PDE3A: variants seen among roughly 807,000 people sequenced by gnomAD.
The protein encoded by PDE3A is phosphodiesterase 3A.
Under a neutral mutation model 98.3 loss-of-function variants are expected in PDE3A, and 43 were observed. That is an observed-to-expected ratio of 0.44 (90% confidence interval 0.34 to 0.56). PDE3A has a LOEUF of 0.56. Ranked by LOEUF, PDE3A falls within the 20% of genes least tolerant of loss-of-function variation. The probability of loss-of-function intolerance (pLI) is 0.01; values close to 1 mark genes in which losing one functional copy is unlikely to be tolerated. For synonymous variants in PDE3A, 663 were observed against 567.9 expected (o/e 1.17, Z -2.38); for missense variants, 1,427 against 1,440.7 (o/e 0.99, Z 0.15).
rs1022367982 is a variant in PDE3A, at chr12:20,684,547, G to A, written c.*4276G>A. On this transcript the variant is annotated 3_prime_UTR_variant, in exon 16 of 16. Coordinates refer to ENST00000359062, the MANE Select transcript of PDE3A (RefSeq NM_000921.5). ...GAAAGCTAAAATATCTATGTACTTT[G>A]AAGCCAAACTGAGTTTATTTCATTG... is the stretch of plus-strand genomic sequence containing the variant. Among the ~76,000 whole-genome samples the A allele has an allele frequency of 7.2e-5, 11 of 152,128 alleles. No homozygotes were observed. The highest frequency in any genetic ancestry group is 2.7e-4 in the African/African-American group (11 of 41,422).
chr12:20,379,580 G>T (rs549102828), intron 1 of PDE3A, among the ~76,000 whole-genome samples: 8 of 151,870 alleles, frequency 5.3e-5, no homozygotes, highest in African/African-American at 1.7e-4. Context: ...TTCTGGCCCA[G>T]TGTCTTGCTT....
intron 1 of PDE3A, among the ~76,000 whole-genome samples, chr12:20,371,649 A>AT (rs1434285999): frequency 6.6e-6 from 1 of 152,128 alleles, no homozygotes; most frequent in East Asian, 1.9e-4. Context: ...TAGTCTGTTT[A>AT]TTTTAAAGCA....
intron 1 of PDE3A, among the ~76,000 whole-genome samples, chr12:20,386,088 T>TATAAATATATAAATATATAG (rs1555140934): frequency 3.0e-5 from 1 of 33,768 alleles, no homozygotes; most frequent in Non-Finnish European, 5.4e-5. Flanking sequence ...TATAAATATA[T>TATAAATATATAAATATATAG]AAATATATAT....
chr12:20,387,573 C>T (rs1334474391), intron 1 of PDE3A, among the ~76,000 whole-genome samples: 1 of 151,910 alleles, frequency 6.6e-6, no homozygotes, highest in African/African-American at 2.4e-5. Context: ...AGACATATTG[C>T]CAATACATCC....
At chr12:20,620,570 C>T (rs1944107950) in intron 4 of PDE3A, among the ~76,000 whole-genome samples, 2 of 152,106 alleles carry the variant, frequency 1.3e-5, no homozygotes, top group Admixed American at 1.3e-4. Context: ...GCATGACTTA[C>T]ATAACATTCT....
intron 1 of PDE3A, among the ~76,000 whole-genome samples, chr12:20,520,830 A>G (rs1946410309): frequency 6.6e-6 from 1 of 152,170 alleles, no homozygotes; most frequent in African/African-American, 2.4e-5. Context: ...AAATACTAGC[A>G]TCTGTTTAGT....
intron 1 of PDE3A, among the ~76,000 whole-genome samples, chr12:20,527,561 CTGTT>C (rs537733553): frequency 3.2e-4 from 49 of 152,290 alleles, no homozygotes; most frequent in African/African-American, 1.1e-3. Flanking sequence ...TTTCCGCTGT[CTGTT>C]TGTTAGAGTT....
At chr12:20,549,947 T>G (rs1026598503) in intron 1 of PDE3A, among the ~76,000 whole-genome samples, 1 of 152,190 alleles carries the variant, frequency 6.6e-6, no homozygotes, top group Non-Finnish European at 1.5e-5. Context: ...AAATTGATCT[T>G]ATCTTCTGGA....
chr12:20,483,729 C>T (rs1945673481), intron 1 of PDE3A, among the ~76,000 whole-genome samples: 1 of 152,018 alleles, frequency 6.6e-6, no homozygotes, highest in African/African-American at 2.4e-5. Context: ...AAAATTCAAT[C>T]TTTTTTGAAC....
At chr12:20,583,305 G>A (rs750565960) in intron 2 of PDE3A, among the ~76,000 whole-genome samples, 7 of 152,052 alleles carry the variant, frequency 4.6e-5, no homozygotes, top group Non-Finnish European at 1.0e-4. Flanking sequence ...CTCTCACAAT[G>A]TCTGTAGTTT....
intron 2 of PDE3A, among the ~76,000 whole-genome samples, chr12:20,565,932 G>T (rs1468018248): frequency 6.6e-6 from 1 of 151,760 alleles, no homozygotes; most frequent in Non-Finnish European, 1.5e-5. Context: ...TCTCATCAAA[G>T]GTGCTGATTT....
At chr12:20,400,872 C>T (rs1170429858) in intron 1 of PDE3A, among the ~76,000 whole-genome samples, 1 of 152,040 alleles carries the variant, frequency 6.6e-6, no homozygotes, top group Non-Finnish European at 1.5e-5. Flanking sequence ...TAATTTTCTC[C>T]TAGTATGCTA....
At chr12:20,675,094 A>G (rs1945598702) in intron 15 of PDE3A, among the ~76,000 whole-genome samples, 1 of 151,792 alleles carries the variant, frequency 6.6e-6, no homozygotes, top group Admixed American at 6.6e-5. Flanking sequence ...CTTCCTTTTG[A>G]CTACTACTTT....
At chr12:20,493,757 A>G (rs1414521386) in intron 1 of PDE3A, among the ~76,000 whole-genome samples, 1 of 152,140 alleles carries the variant, frequency 6.6e-6, no homozygotes, top group Non-Finnish European at 1.5e-5. Context: ...CAGCCTACCA[A>G]GTAGCTGGGA....
At chr12:20,633,637 C>A in intron 6 of PDE3A, 56 bp from the exon 7 acceptor site, 1 of 890,596 alleles carries the variant, frequency 1.1e-6, no homozygotes, top group Admixed American at 2.3e-5. Context: ...ATGGTATGTG[C>A]CTATGACTTT....
chr12:20,456,895 C>T (rs1945161910), intron 1 of PDE3A, among the ~76,000 whole-genome samples: 1 of 152,128 alleles, frequency 6.6e-6, no homozygotes, highest in South Asian at 2.1e-4. Flanking sequence ...CTGAGAATAA[C>T]GGTTCTCTCT....
intron 1 of PDE3A, among the ~76,000 whole-genome samples, chr12:20,508,317 T>C (rs2121106458): frequency 6.6e-6 from 1 of 152,024 alleles, no homozygotes; most frequent in Admixed American, 6.6e-5. Flanking sequence ...CAGCCCTCTT[T>C]ATGATACTCT....
intron 12 of PDE3A, among the ~76,000 whole-genome samples, chr12:20,648,279 T>C (rs1044782332): frequency 6.7e-6 from 1 of 150,028 alleles, no homozygotes; most frequent in African/African-American, 2.4e-5. Flanking sequence ...TATAATTATA[T>C]ATTATATTTA....
intron 1 of PDE3A, among the ~76,000 whole-genome samples, chr12:20,517,190 C>T (rs1210616364): frequency 6.6e-6 from 1 of 152,128 alleles, no homozygotes; most frequent in Non-Finnish European, 1.5e-5. Flanking sequence ...TAGCTAGTGC[C>T]ATTTGTTGTA....
Sources: gnomAD v4.1 joint callset for allele counts (sites outside exome capture counted in the v4.1 genomes callset) on GRCh38, gnomAD v4.1.1 for gene constraint, MANE v1.5 for transcripts, NCBI Gene and HGNC (gene_info 2026-07-23, HGNC 2026-07-21) for gene names.